AHSG: variants seen among roughly 807,000 people sequenced by gnomAD.
AHSG encodes the protein alpha-2-HS-glycoprotein.
In AHSG, 23 loss-of-function variants were observed where a neutral mutation model predicts 30.1. The observed-to-expected ratio is 0.76, with a 90% confidence interval of 0.55 to 1.08. The LOEUF is 1.08. AHSG is among the 50% of genes least tolerant of loss of function. The pLI is 0.00. For missense variants in AHSG, 469 were observed against 459.5 expected (o/e 1.02, Z -0.19); for synonymous variants, 164 against 186.3 (o/e 0.88, Z 0.98).
At position 186,617,249 on chromosome 3, in the gene AHSG, A is replaced by C. The variant is rs1472341131; in HGVS notation, c.472A>C (p.Thr158Pro). 4.3e-6 allele frequency: 7 copies of C among 1,614,030 alleles called. No homozygotes were observed. In the African/African-American group the frequency reaches 9.3e-5, roughly 22 times the overall value. ...CCCCCTGCTGGCCCCGCTGAACGAC[A>C]CCAGGGTGGTGCACGCCGCGAAAGC... ...DCPLLAPLND[T>P]RVVHAAKAAL... is the part of the protein sequence containing the mutation. The change falls in exon 4 of 7, where the codon ACC (threonine) becomes CCC (proline). Residue 158 changes from threonine to proline, a missense_variant. Thr to Pro is a conservative substitution (Grantham distance 38). Transcript: ENST00000411641.
chr3:186,617,546 C>A, intron 4 of AHSG, 196 bp downstream of exon 4: 1 of 1,000,928 alleles, frequency 1.0e-6, no homozygotes, highest in Non-Finnish European at 1.5e-6. Flanking sequence ...ACCCCAACAC[C>A]CTCAGCGCCT....
chr3:186,620,081 G>A lies in AHSG; in HGVS notation c.759+141G>A, dbSNP rs111891162. 5.2e-3 allele frequency: 2,929 copies of A among 567,760 alleles called. 67 individuals carry two copies. Among genetic ancestry groups the A allele is most frequent in the African/African-American group, 0.049 (2,598 of 53,002 alleles). The allele number at this position is 567,760 out of a possible 1,614,324, so 35.2% of individuals were successfully genotyped here. A position where few individuals can be genotyped will look rare whatever the true frequency, so the allele number is the denominator to read the frequency against. ...AGTATGAAATAACACTGGGGTATGCGGAATCATCAACAAATGGAAGGATAT... is the reference window on the plus strand; with the variant it reads ...AGTATGAAATAACACTGGGGTATGCAGAATCATCAACAAATGGAAGGATAT... On this transcript the variant is annotated intron_variant, in intron 6 of 6. Coordinates refer to ENST00000411641, the MANE Select transcript of AHSG (RefSeq NM_001622.4).
intron 1 of AHSG, among the ~76,000 whole-genome samples, chr3:186,615,074 G>T (rs1293243931): frequency 6.6e-6 from 1 of 151,942 alleles, no homozygotes; most frequent in Admixed American, 6.6e-5. Context: ...GTTGCATGCC[G>T]GCACCTGCTG....
At chr3:186,619,284 G>C (rs938107886) in intron 5 of AHSG, among the ~76,000 whole-genome samples, 2 of 152,022 alleles carry the variant, frequency 1.3e-5, no homozygotes, top group Admixed American at 6.6e-5. Flanking sequence ...GCAACAGAAC[G>C]AGACTCTGTC....
chr3:186,619,190 G>A (rs1255630082), intron 5 of AHSG, among the ~76,000 whole-genome samples: 8 of 152,078 alleles, frequency 5.3e-5, no homozygotes, highest in Non-Finnish European at 7.4e-5. Context: ...CCAGCTACTC[G>A]GGAGGCTGAG....
At chr3:186,616,112 G>A (rs944605340) in intron 2 of AHSG, among the ~76,000 whole-genome samples, 2 of 152,144 alleles carry the variant, frequency 1.3e-5, no homozygotes, top group Non-Finnish European at 2.9e-5. Flanking sequence ...CAGGAGAATC[G>A]CTTGAACCCG....
intron 3 of AHSG, 66 bp from the exon 4 acceptor site, chr3:186,617,121 G>A: frequency 6.4e-7 from 1 of 1,551,928 alleles, no homozygotes; most frequent in Admixed American, 1.9e-5. Context: ...CCTTGCTAAC[G>A]CAGCAGAGCT....
intron 2 of AHSG, 62 bp downstream of exon 2, chr3:186,615,857 G>C (rs370988431): frequency 6.8e-7 from 1 of 1,460,768 alleles, no homozygotes; most frequent in Non-Finnish European, 9.6e-7. Flanking sequence ...GATTCACCCA[G>C]CGTCTCAGCC....
At chr3:186,616,778 T>G (rs560684549) in intron 3 of AHSG, among the ~76,000 whole-genome samples, 3 of 152,302 alleles carry the variant, frequency 2.0e-5, no homozygotes, top group Middle Eastern at 3.4e-3. Flanking sequence ...GAGACCAGCC[T>G]GGCCAACATA....
chr3:186,616,393 G>C (rs750452843), intron 2 of AHSG, 50 bp from the exon 3 acceptor site: 8 of 1,498,336 alleles, frequency 5.3e-6, no homozygotes, highest in Non-Finnish European at 6.4e-6. Context: ...GAGCCTGCCC[G>C]GGGTGCGAAG....
intron 1 of AHSG, 53 bp downstream of exon 1, chr3:186,613,407 C>A: frequency 6.8e-7 from 1 of 1,466,126 alleles, no homozygotes; most frequent in South Asian, 1.3e-5. Context: ...GGAGCTCAAT[C>A]AGGTGCCTCA....
chr3:186,615,996 G>T (rs1412076136), intron 2 of AHSG, among the ~76,000 whole-genome samples: 1 of 152,200 alleles, frequency 6.6e-6, no homozygotes, highest in African/African-American at 2.4e-5. Flanking sequence ...AGGAGTTCAA[G>T]ACCAGCCTGG....
intron 4 of AHSG, 152 bp downstream of exon 4, chr3:186,617,502 C>A: frequency 1.4e-6 from 2 of 1,416,898 alleles, no homozygotes; most frequent in Non-Finnish European, 9.7e-7. Flanking sequence ...AGAAAGCATC[C>A]TAAGGGGGTA....
intron 5 of AHSG, among the ~76,000 whole-genome samples, chr3:186,619,284 G>A (rs938107886): frequency 1.1e-4 from 16 of 152,022 alleles, no homozygotes; most frequent in Non-Finnish European, 2.2e-4. Flanking sequence ...GCAACAGAAC[G>A]AGACTCTGTC....
chr3:186,619,889 G>A lies in AHSG; in HGVS notation c.708G>A (p.Glu236=). 1 of 1,613,708 alleles carries A rather than the reference G, an allele frequency of 6.2e-7. No individual in the cohort carries two copies. Among genetic ancestry groups the A allele is most frequent in the African/African-American group, 1.3e-5 (1 of 74,992 alleles). The change falls in exon 6 of 7, where the codon GAG becomes GAA. Residue 236 remains glutamate (E), a synonymous_variant. Coordinates refer to ENST00000411641, the MANE Select transcript of AHSG (RefSeq NM_001622.4). ...GCTTTTGTAAGGCAACACTCAGTGA[G>A]AAGCTTGGTGGGGCAGAGGTTGCAG... ...QYGFCKATLS[E]KLGGAEVAVT... is the part of the protein sequence containing the mutation.
chr3:186,619,307 G>C (rs915185249), intron 5 of AHSG, among the ~76,000 whole-genome samples: 1 of 151,774 alleles, frequency 6.6e-6, no homozygotes, highest in African/African-American at 2.4e-5. Flanking sequence ...AAGAAAAAAA[G>C]AAAAAGAAAA....
At position 186,616,433 on chromosome 3, in the gene AHSG, C is replaced by G. The variant is rs1560249384; in HGVS notation, c.325-10C>G. On this transcript the variant is annotated splice_polypyrimidine_tract_variant and intron_variant, in intron 2 of 6. Coordinates refer to ENST00000411641, the MANE Select transcript of AHSG (RefSeq NM_001622.4). ...AGGGCAGCCATCCTCACGTGGGTTT[C>G]TTTCTCCAGGCTGTCGAAGGAGACT... 6.2e-7 allele frequency: 1 copy of G among 1,611,934 alleles called. No homozygotes were observed. The highest frequency in any genetic ancestry group is 8.5e-7 in the Non-Finnish European group (1 of 1,179,026).
At chr3:186,614,416 C>T (rs2108499498) in intron 1 of AHSG, among the ~76,000 whole-genome samples, 1 of 152,294 alleles carries the variant, frequency 6.6e-6, no homozygotes, top group Admixed American at 6.5e-5. Flanking sequence ...CAAGAGCTTA[C>T]AATCTAGGTT....
At chr3:186,615,977 C>T (rs1185368504) in intron 2 of AHSG, among the ~76,000 whole-genome samples, 182 bp downstream of exon 2, 1 of 152,180 alleles carries the variant, frequency 6.6e-6, no homozygotes, top group Non-Finnish European at 1.5e-5. Context: ...AAGTGGATCG[C>T]CTGAGGTCAG....
Sources: gnomAD v4.1 joint callset for allele counts (sites outside exome capture counted in the v4.1 genomes callset) on GRCh38, gnomAD v4.1.1 for gene constraint, MANE v1.5 for transcripts, NCBI Gene and HGNC (gene_info 2026-07-23, HGNC 2026-07-21) for gene names.